The following NCAM2 variants were observed in gnomAD, a reference collection of about 807,000 sequenced individuals.
NCAM2 encodes N-CAM-2.
In NCAM2, 30 loss-of-function variants were observed where a neutral mutation model predicts 98.1. The ratio of observed to expected loss-of-function variants is 0.31; its 90% CI spans 0.23 to 0.41. The LOEUF is 0.41. NCAM2 is among the 10% of genes least tolerant of loss of function. NCAM2 has a pLI of 1.00. For synonymous variants in NCAM2, 368 were observed against 342.4 expected (o/e 1.07, Z -0.83); for missense variants, 867 against 1,005.8 (o/e 0.86, Z 1.87).
chr21:21,351,137 A>G (rs13050601), intron 8 of NCAM2, among the ~76,000 whole-genome samples: 135 of 127,620 alleles, frequency 1.1e-3, no homozygotes, highest in Middle Eastern at 4.4e-3. Flanking sequence ...AAAAAAAAAA[A>G]AAAAAGAAAC....
At chr21:21,129,904 G>A (rs2066901499) in intron 1 of NCAM2, among the ~76,000 whole-genome samples, 1 of 152,078 alleles carries the variant, frequency 6.6e-6, no homozygotes, top group Non-Finnish European at 1.5e-5. Context: ...GGTGAATTTT[G>A]GACTTAGAAA....
chr21:21,018,599 C>A (rs1452545700), intron 1 of NCAM2, among the ~76,000 whole-genome samples: 3 of 152,158 alleles, frequency 2.0e-5, no homozygotes, highest in African/African-American at 7.2e-5. Flanking sequence ...ATCATCGTGT[C>A]CCTTTTGAGA....
chr21:21,080,428 C>T (rs984810110), intron 1 of NCAM2, among the ~76,000 whole-genome samples: 3 of 151,882 alleles, frequency 2.0e-5, no homozygotes, highest in South Asian at 2.1e-4. Flanking sequence ...ACCAGCCTGA[C>T]CAACATGGAG....
intron 1 of NCAM2, among the ~76,000 whole-genome samples, chr21:21,083,361 G>A (rs1044031743): frequency 3.3e-5 from 5 of 151,428 alleles, no homozygotes; most frequent in Non-Finnish European, 5.9e-5. Context: ...GTTGGAACTA[G>A]TTTTTTATAG....
At chr21:21,484,630 G>A (rs1986188584) in intron 15 of NCAM2, among the ~76,000 whole-genome samples, 1 of 151,950 alleles carries the variant, frequency 6.6e-6, no homozygotes, top group African/African-American at 2.4e-5. Flanking sequence ...TAATAGCAAG[G>A]CTTATCTAAA....
intron 1 of NCAM2, among the ~76,000 whole-genome samples, chr21:20,999,159 A>G (rs2146090700): frequency 6.6e-6 from 1 of 152,224 alleles, no homozygotes. Flanking sequence ...TCTGTTGGAA[A>G]CTAAGAGAGG....
At chr21:21,213,024 G>A (rs938497654) in intron 1 of NCAM2, among the ~76,000 whole-genome samples, 2 of 152,066 alleles carry the variant, frequency 1.3e-5, no homozygotes, top group African/African-American at 4.8e-5. Flanking sequence ...ATAGGCATGA[G>A]CCACCACGCC....
intron 12 of NCAM2, among the ~76,000 whole-genome samples, chr21:21,453,029 TA>T (rs1231586087): frequency 1.8e-5 from 2 of 108,778 alleles, no homozygotes; most frequent in South Asian, 2.4e-4. Flanking sequence ...ATATAATATA[TA>T]AAAATAATAT....
intron 10 of NCAM2, among the ~76,000 whole-genome samples, chr21:21,417,861 T>G (rs1225238277): frequency 6.6e-6 from 1 of 152,054 alleles, no homozygotes; most frequent in Non-Finnish European, 1.5e-5. Flanking sequence ...AGTAACATTT[T>G]ATTGCACAGT....
intron 1 of NCAM2, among the ~76,000 whole-genome samples, chr21:21,170,582 G>A (rs1282297932): frequency 2.6e-5 from 4 of 152,006 alleles, no homozygotes; most frequent in African/African-American, 9.7e-5. Flanking sequence ...GGATGAACAA[G>A]GGGAACACAG....
rs761623555 is a variant in NCAM2 at position 21,436,768 on chromosome 21, TC to T, written c.1654+4488del. On this transcript the variant is annotated intron_variant, in intron 12 of 17. Transcript: ENST00000400546. ...GTGTCTACAGAAGCAACTTTTTTTT[TC>T]TTTTTTTTTTTTGAGACAGAATCTT... Among the ~76,000 whole-genome samples the T allele has an allele frequency of 4.0e-3, 421 of 106,168 alleles. 3 individuals carry two copies. Among genetic ancestry groups the T allele is most frequent in the African/African-American group, 0.015 (404 of 27,064 alleles). 69.7% of individuals were successfully genotyped at this position (106,168 alleles called of 152,430 possible).
chr21:21,136,381 T>C (rs1228788299), intron 1 of NCAM2, among the ~76,000 whole-genome samples: 3 of 151,890 alleles, frequency 2.0e-5, no homozygotes, highest in Non-Finnish European at 4.4e-5. Context: ...CCACAAATGA[T>C]AACAGCATTG....
intron 1 of NCAM2, among the ~76,000 whole-genome samples, chr21:21,112,763 A>G (rs1464220057): frequency 2.0e-5 from 3 of 152,212 alleles, no homozygotes; most frequent in Non-Finnish European, 4.4e-5. Flanking sequence ...GCAGATTATT[A>G]TAGGAGATTA....
chr21:21,236,427 A>G (rs947362952), intron 1 of NCAM2, among the ~76,000 whole-genome samples: 2 of 152,038 alleles, frequency 1.3e-5, no homozygotes, highest in Non-Finnish European at 2.9e-5. Context: ...TAACTGTTTT[A>G]TAACTATCAG....
intron 8 of NCAM2, among the ~76,000 whole-genome samples, chr21:21,364,083 T>C (rs888135240): frequency 6.6e-6 from 1 of 152,036 alleles, no homozygotes; most frequent in Non-Finnish European, 1.5e-5. Context: ...GTGGAGTTCA[T>C]CTATTTGTTT....
chr21:21,288,207 GC>G (rs2073169501), intron 4 of NCAM2, among the ~76,000 whole-genome samples: 1 of 151,858 alleles, frequency 6.6e-6, no homozygotes, highest in Non-Finnish European at 1.5e-5. Flanking sequence ...CAATAAAGAT[GC>G]AGTTTTTAAA....
At chr21:21,080,249 C>T (rs1258203792) in intron 1 of NCAM2, among the ~76,000 whole-genome samples, 1 of 152,088 alleles carries the variant, frequency 6.6e-6, no homozygotes. Context: ...GATTACATCA[C>T]ATTAAAGCTA....
chr21:21,041,690 A>G (rs2064907688), intron 1 of NCAM2, among the ~76,000 whole-genome samples: 1 of 152,152 alleles, frequency 6.6e-6, no homozygotes, highest in African/African-American at 2.4e-5. Context: ...CAAATTGTAG[A>G]TTTGTGAATT....
intron 1 of NCAM2, among the ~76,000 whole-genome samples, chr21:21,255,776 A>G (rs2071644624): frequency 6.6e-6 from 1 of 152,128 alleles, no homozygotes. Flanking sequence ...ATAGGCTGAG[A>G]TGTGCCTTAT....
Sources: gnomAD v4.1 joint callset for allele counts (sites outside exome capture counted in the v4.1 genomes callset) on GRCh38, gnomAD v4.1.1 for gene constraint, MANE v1.5 for transcripts, NCBI Gene and HGNC (gene_info 2026-07-23, HGNC 2026-07-21) for gene names.